The following SDCBP variants were observed in gnomAD, a reference collection of about 807,000 sequenced individuals.
SDCBP encodes the protein syntenin-1.
SDCBP carries 22 observed loss-of-function variants against 30.5 expected under a neutral mutation model. The observed-to-expected ratio is 0.72, with a 90% CI of 0.52 to 1.03. SDCBP has a LOEUF of 1.03. SDCBP is among the 50% of genes least tolerant of loss of function. The probability of loss-of-function intolerance (pLI) is 0.00; values close to 1 mark genes in which losing one functional copy is unlikely to be tolerated. For synonymous variants in SDCBP, 103 were observed against 118.7 expected (o/e 0.87, Z 0.86); for missense variants, 304 against 369.9 (o/e 0.82, Z 1.46).
At chr8:58,555,338 T>G (rs2129607098) in intron 1 of SDCBP, among the ~76,000 whole-genome samples, 1 of 152,296 alleles carries the variant, frequency 6.6e-6, no homozygotes, top group East Asian at 1.9e-4. Context: ...TTGTACTAGT[T>G]TACGCTCCCA....
At chr8:58,571,020 T>C (rs1441941089) in intron 3 of SDCBP, 55 bp downstream of exon 3, 23 of 1,357,030 alleles carry the variant, frequency 1.7e-5, no homozygotes, top group Admixed American at 8.7e-5. Context: ...TTATCTTCTT[T>C]TGCTCATATA....
intron 1 of SDCBP, chr8:58,560,834 A>G (rs1804396990): frequency 6.6e-6 from 1 of 152,234 alleles, no homozygotes; most frequent in South Asian, 2.1e-4. Flanking sequence ...TTGGATCCCA[A>G]CATGATGTTA....
intron 1 of SDCBP, among the ~76,000 whole-genome samples, chr8:58,554,151 A>AT (rs1207061192): frequency 6.6e-6 from 1 of 152,206 alleles, no homozygotes; most frequent in African/African-American, 2.4e-5. Flanking sequence ...CCACATACAC[A>AT]TTTACTGTTA....
At chr8:58,557,142 CAAT>C (rs1359568292) in intron 1 of SDCBP, among the ~76,000 whole-genome samples, 50 of 99,382 alleles carry the variant, frequency 5.0e-4, no homozygotes, top group Non-Finnish European at 8.1e-4. Context: ...ATATTATATA[CAAT>C]ATTATAATAT....
chr8:58,565,841 G>A (rs1024103520), intron 2 of SDCBP, among the ~76,000 whole-genome samples: 37 of 152,162 alleles, frequency 2.4e-4, no homozygotes, highest in African/African-American at 8.4e-4. Flanking sequence ...TATCAATTTA[G>A]AATTTCTTCA....
intron 1 of SDCBP, among the ~76,000 whole-genome samples, chr8:58,556,416 G>T (rs115903274): frequency 2.6e-5 from 4 of 152,270 alleles, no homozygotes; most frequent in African/African-American, 9.6e-5. Context: ...ATGGGCCACC[G>T]ACTGGTACTG....
At chr8:58,577,995 T>C (rs766839013) in intron 5 of SDCBP, 38 bp from the exon 6 acceptor site, 2 of 1,475,078 alleles carry the variant, frequency 1.4e-6, no homozygotes, top group Non-Finnish European at 1.9e-6. Flanking sequence ...CGTATCATAG[T>C]AGTGGTAAAT....
chr8:58,557,534 T>A (rs1207868855), intron 1 of SDCBP, among the ~76,000 whole-genome samples: 1 of 142,668 alleles, frequency 7.0e-6, no homozygotes, highest in Non-Finnish European at 1.5e-5. Flanking sequence ...CTTTTGGTGT[T>A]CTGAAAAAGT....
At chr8:58,555,752 GTTT>G (rs901249877) in intron 1 of SDCBP, among the ~76,000 whole-genome samples, 1 of 140,384 alleles carries the variant, frequency 7.1e-6, no homozygotes, top group Non-Finnish European at 1.6e-5. Context: ...TCATTTTTTA[GTTT>G]TTTTTTTTTT....
At chr8:58,563,462 A>T (rs1804542210) in intron 1 of SDCBP, among the ~76,000 whole-genome samples, 1 of 152,108 alleles carries the variant, frequency 6.6e-6, no homozygotes, top group South Asian at 2.1e-4. Context: ...GGGAGGATGG[A>T]AATATTCAAA....
chr8:58,579,032 G>T (rs4307329), intron 6 of SDCBP, among the ~76,000 whole-genome samples: 1 of 152,210 alleles, frequency 6.6e-6, no homozygotes, highest in Non-Finnish European at 1.5e-5. Flanking sequence ...AAGCAAATGT[G>T]ACTGCTATAA....
chr8:58,572,986 T>G (rs560023666), intron 4 of SDCBP, among the ~76,000 whole-genome samples: 1 of 152,046 alleles, frequency 6.6e-6, no homozygotes, highest in South Asian at 2.1e-4. Flanking sequence ...TTTTGTATTT[T>G]TAGTAGAGAC....
chr8:58,565,018 G>A lies in SDCBP; in HGVS notation c.-15-1G>A, dbSNP rs1804627541. On this transcript the variant is annotated splice_acceptor_variant, in intron 1 of 8. Transcript: ENST00000260130. LOFTEE classifies it low-confidence loss of function (5UTR_SPLICE). ...TAATAAAACTTTCTTTTTTTCTTTA[G>A]AAGAATCCTGCAAAAATGTCTCTCT... is the stretch of plus-strand genomic sequence containing the variant. 1 of 1,569,464 alleles carries A rather than the reference G, an allele frequency of 6.4e-7. No individual in the cohort carries two copies. Among genetic ancestry groups the A allele is most frequent in the African/African-American group, 1.4e-5 (1 of 72,984 alleles).
At chr8:58,561,552 G>T in intron 1 of SDCBP, 1 of 410,126 alleles carries the variant, frequency 2.4e-6, no homozygotes, top group Non-Finnish European at 4.4e-6. Flanking sequence ...GAAAGAAGTG[G>T]GATGATATAG....
intron 5 of SDCBP, among the ~76,000 whole-genome samples, chr8:58,576,706 G>A (rs1336114683): frequency 6.6e-6 from 1 of 152,014 alleles, no homozygotes; most frequent in Non-Finnish European, 1.5e-5. Flanking sequence ...TATGAAACAG[G>A]GTTACTCTCT....
chr8:58,556,455 GT>G (rs1445518515), intron 1 of SDCBP, among the ~76,000 whole-genome samples: 3 of 152,126 alleles, frequency 2.0e-5, no homozygotes, highest in African/African-American at 7.2e-5. Flanking sequence ...GGGAACTCCT[GT>G]TTTAATAGCT....
intron 7 of SDCBP, among the ~76,000 whole-genome samples, 190 bp from the exon 8 acceptor site, chr8:58,580,327 C>G (rs1805618940): frequency 6.6e-6 from 1 of 152,030 alleles, no homozygotes; most frequent in African/African-American, 2.4e-5. Flanking sequence ...TTAAAATATT[C>G]AACTCAGTTT....
At chr8:58,560,333 C>T (rs916529064) in intron 1 of SDCBP, 5 of 152,332 alleles carry the variant, frequency 3.3e-5, no homozygotes, top group Non-Finnish European at 7.3e-5. Context: ...TCTAGAGGAC[C>T]TATGGTAGGG....
At chr8:58,570,271 AT>A in intron 2 of SDCBP, among the ~76,000 whole-genome samples, 1 of 152,154 alleles carries the variant, frequency 6.6e-6, no homozygotes, top group Admixed American at 6.5e-5. Flanking sequence ...TGTCAGAGTG[AT>A]TTTGGCAAGT....
Sources: allele counts gnomAD v4.1 joint callset (sites outside exome capture counted in the v4.1 genomes callset), GRCh38; gene constraint gnomAD v4.1.1; transcripts MANE v1.5; gene names NCBI Gene and HGNC (gene_info 2026-07-23, HGNC 2026-07-21).